The following LRRC4C variants were observed in gnomAD, a reference collection of about 807,000 sequenced individuals.
The protein encoded by LRRC4C is leucine rich repeat containing 4C, also known as leucine-rich repeat-containing protein 4C.
A neutral mutation model predicts 33.6 loss-of-function variants in LRRC4C; 5 were observed. That is an observed-to-expected ratio of 0.15 (90% CI 0.08 to 0.31). LRRC4C has a LOEUF of 0.31. LRRC4C is among the 10% of genes least tolerant of loss of function. The pLI is 1.00. For synonymous variants in LRRC4C, 329 were observed against 302.0 expected (o/e 1.09, Z -0.93); for missense variants, 560 against 796.7 (o/e 0.70, Z 3.58).
intron 5 of LRRC4C, among the ~76,000 whole-genome samples, chr11:40,157,248 C>A (rs940595174): frequency 6.6e-6 from 1 of 152,130 alleles, no homozygotes; most frequent in African/African-American, 2.4e-5. Context: ...TCACCTTATA[C>A]AAAAATCAAC....
At chr11:41,107,500 T>C (rs1467275488) in intron 1 of LRRC4C, among the ~76,000 whole-genome samples, 1 of 151,622 alleles carries the variant, frequency 6.6e-6, no homozygotes, top group Non-Finnish European at 1.5e-5. Flanking sequence ...ATTTCTAAAA[T>C]AGAAACAAAG....
chr11:40,408,729 A>G (rs2137614920), intron 3 of LRRC4C, among the ~76,000 whole-genome samples: 1 of 152,048 alleles, frequency 6.6e-6, no homozygotes, highest in East Asian at 1.9e-4. Context: ...TTAATTATAA[A>G]TGTCCATGAA....
chr11:40,425,951 C>A (rs554057794), intron 3 of LRRC4C, among the ~76,000 whole-genome samples: 1 of 152,002 alleles, frequency 6.6e-6, no homozygotes, highest in East Asian at 1.9e-4. Flanking sequence ...TGAACACCAA[C>A]TCTATGCTAA....
chr11:40,611,313 T>G (rs566112570), intron 3 of LRRC4C, among the ~76,000 whole-genome samples: 1 of 151,900 alleles, frequency 6.6e-6, no homozygotes, highest in East Asian at 1.9e-4. Flanking sequence ...ATACTGAATA[T>G]CCACAAAAGA....
chr11:40,554,192 A>G (rs72885191), intron 3 of LRRC4C, among the ~76,000 whole-genome samples: 4,613 of 152,254 alleles, frequency 0.03, 175 homozygotes, highest in African/African-American at 0.094. Context: ...CCTCTTGAAT[A>G]GAAGGTCCTT....
intron 1 of LRRC4C, among the ~76,000 whole-genome samples, chr11:41,119,572 C>T (rs755862786): frequency 3.3e-5 from 5 of 152,170 alleles, no homozygotes; most frequent in Admixed American, 6.5e-5. Context: ...ACTAATGGCT[C>T]TTTCCAAAGT....
intron 1 of LRRC4C, among the ~76,000 whole-genome samples, chr11:40,973,079 A>G (rs2137011632): frequency 6.6e-6 from 1 of 152,026 alleles, no homozygotes; most frequent in African/African-American, 2.4e-5. Flanking sequence ...TTCACCTTCC[A>G]CTATGATTGT....
At chr11:40,652,625 C>T (rs895124623) in intron 2 of LRRC4C, among the ~76,000 whole-genome samples, 1 of 152,198 alleles carries the variant, frequency 6.6e-6, no homozygotes, top group Non-Finnish European at 1.5e-5. Context: ...TACAGAGTAG[C>T]TCCCTAAAAT....
chr11:41,416,160 T>G (rs1954671928), intron 1 of LRRC4C, among the ~76,000 whole-genome samples: 1 of 152,048 alleles, frequency 6.6e-6, no homozygotes, highest in African/African-American at 2.4e-5. Context: ...TGAGTATGTG[T>G]ACTCTATAAT....
intron 1 of LRRC4C, among the ~76,000 whole-genome samples, chr11:41,439,860 G>A (rs1590284966): frequency 6.6e-6 from 1 of 152,064 alleles, no homozygotes; most frequent in African/African-American, 2.4e-5. Context: ...TTTTTAAATT[G>A]TTAAATTGTT....
intron 2 of LRRC4C, among the ~76,000 whole-genome samples, chr11:40,767,304 A>G (rs546398057): frequency 6.6e-6 from 1 of 152,218 alleles, no homozygotes; most frequent in East Asian, 1.9e-4. Flanking sequence ...GCCTCCAACA[A>G]TGGATCACCC....
At chr11:40,578,251 A>C (rs2135618324) in intron 3 of LRRC4C, among the ~76,000 whole-genome samples, 1 of 140,616 alleles carries the variant, frequency 7.1e-6, no homozygotes, top group Admixed American at 7.9e-5. Flanking sequence ...CTTCCCAACT[A>C]TGCCCCTGGC....
chr11:40,524,573 T>C (rs1955959418), intron 3 of LRRC4C, among the ~76,000 whole-genome samples: 1 of 152,182 alleles, frequency 6.6e-6, no homozygotes, highest in Non-Finnish European at 1.5e-5. Context: ...TAATCAAGAC[T>C]GCAATGACAT....
At chr11:41,433,353 A>G (rs971979104) in intron 1 of LRRC4C, among the ~76,000 whole-genome samples, 1 of 152,132 alleles carries the variant, frequency 6.6e-6, no homozygotes, top group African/African-American at 2.4e-5. Context: ...GATATGTTTA[A>G]ATCAAAACCA....
At chr11:40,933,394 C>A (rs766921557) in intron 2 of LRRC4C, among the ~76,000 whole-genome samples, 1 of 152,228 alleles carries the variant, frequency 6.6e-6, no homozygotes. Context: ...TATTAATTTA[C>A]AAACATGGAC....
At chr11:41,257,512 T>G (rs1476948668) in intron 1 of LRRC4C, among the ~76,000 whole-genome samples, 1 of 152,020 alleles carries the variant, frequency 6.6e-6, no homozygotes, top group African/African-American at 2.4e-5. Context: ...GAACACCAGT[T>G]ATTTTCACTA....
At chr11:41,383,694 A>T (rs911854592) in intron 1 of LRRC4C, among the ~76,000 whole-genome samples, 12 of 152,154 alleles carry the variant, frequency 7.9e-5, no homozygotes, top group African/African-American at 2.9e-4. Context: ...ATAAACATGC[A>T]TGAAACAAGA....
intron 1 of LRRC4C, among the ~76,000 whole-genome samples, chr11:41,444,171 A>G (rs1015023676): frequency 3.3e-5 from 5 of 152,196 alleles, no homozygotes; most frequent in African/African-American, 1.2e-4. Context: ...AGTAATAATA[A>G]TGAGTACAGT....
chr11:40,244,832 G>A (rs1052915533), intron 4 of LRRC4C, among the ~76,000 whole-genome samples: 1 of 152,046 alleles, frequency 6.6e-6, no homozygotes, highest in Non-Finnish European at 1.5e-5. Flanking sequence ...AAGCTTCAAG[G>A]AACAGATAAA....
Sources: gnomAD v4.1 joint callset for allele counts (sites outside exome capture counted in the v4.1 genomes callset) on GRCh38, gnomAD v4.1.1 for gene constraint, MANE v1.5 for transcripts, NCBI Gene and HGNC (gene_info 2026-07-23, HGNC 2026-07-21) for gene names.